The following POU3F3 variants were observed in gnomAD, a reference collection of about 807,000 sequenced individuals.
The protein encoded by POU3F3 is POU class 3 homeobox 3, also known as POU domain, class 3, transcription factor 3.
Under a neutral mutation model 8.6 loss-of-function variants are expected in POU3F3, and 1 was observed. That is an observed-to-expected ratio of 0.12 (90% CI 0.04 to 0.55). The LOEUF is 0.55. POU3F3 is among the 20% of genes least tolerant of loss of function. POU3F3 has a pLI of 0.91. For synonymous variants in POU3F3, 418 were observed against 327.4 expected (o/e 1.28, Z -2.99); for missense variants, 577 against 690.7 (o/e 0.84, Z 1.84).
At chr2:104,876,169 T>C in the POU3F3 span, among the ~76,000 whole-genome samples, 12 of 152,214 alleles carry the variant, frequency 7.9e-5, no homozygotes, top group African/African-American at 2.7e-4. Context: ...TATTAGTGAG[T>C]GCTCTTCCTT....
chr2:104,857,082 G>A lies in POU3F3; in HGVS notation c.*69G>A. 4 of 1,048,680 alleles carry A rather than the reference G, an allele frequency of 3.8e-6. No individual in the cohort carries two copies. Among genetic ancestry groups the A allele is most frequent in the Non-Finnish European group, 4.6e-6 (4 of 872,110 alleles). The allele number at this position is 1,048,680 out of a possible 1,614,324, so 65.0% of individuals were successfully genotyped here. The stretch of plus-strand genomic sequence containing the variant: ...CGCAGCCGCCGTCAGCACCGCCGCC[G>A]CCCCTGCCGCCGCCGCCGCCGCCGC... On this transcript the variant is annotated 3_prime_UTR_variant, in exon 1 of 1. Coordinates refer to ENST00000361360, the MANE Select transcript of POU3F3 (RefSeq NM_006236.3).
At chr2:104,916,522 C>T in the POU3F3 span, among the ~76,000 whole-genome samples, 1 of 152,178 alleles carries the variant, frequency 6.6e-6, no homozygotes, top group African/African-American at 2.4e-5. Context: ...GGAGAATCTG[C>T]TCTCAAGCTC....
At chr2:104,916,406 G>A in the POU3F3 span, among the ~76,000 whole-genome samples, 10 of 152,246 alleles carry the variant, frequency 6.6e-5, no homozygotes, top group African/African-American at 2.4e-4. Flanking sequence ...TGTGGTTCAG[G>A]GGTCTGGGTG....
chr2:104,920,539 G>A, the POU3F3 span, among the ~76,000 whole-genome samples: 1 of 152,138 alleles, frequency 6.6e-6, no homozygotes, highest in Non-Finnish European at 1.5e-5. Context: ...GTAGAGCTAA[G>A]ATGTGGTCAG....
chr2:104,855,711 G>A lies in POU3F3; in HGVS notation c.201G>A (p.Pro67=). 2 of 1,238,568 alleles carry A rather than the reference G, an allele frequency of 1.6e-6. No individual in the cohort carries two copies. Among genetic ancestry groups the A allele is most frequent in the Non-Finnish European group, 2.1e-6 (2 of 966,578 alleles). The allele number at this position is 1,238,568 out of a possible 1,614,324, so 76.7% of individuals were successfully genotyped here. Residue 67 remains proline (P), a synonymous_variant, in exon 1 of 1, where the codon CCG becomes CCA. Coordinates refer to ENST00000361360, the MANE Select transcript of POU3F3 (RefSeq NM_006236.3). Reference sequence around the variant, plus strand: ...CCTCGGGCGCCTACCGGGGGGACCCGTCCTCTGTCAAGATGGTCCAGAGCG... The same window carrying A: ...CCTCGGGCGCCTACCGGGGGGACCCATCCTCTGTCAAGATGGTCCAGAGCG... ...AVTSGAYRGD[P]SSVKMVQSDF... is the part of the protein sequence containing the mutation.
At chr2:104,922,392 C>CAAAAAAAAAA in the POU3F3 span, among the ~76,000 whole-genome samples, 1 of 71,040 alleles carries the variant, frequency 1.4e-5, no homozygotes. Context: ...TGAAGATGCT[C>CAAAAAAAAAA]AAAAAAAAAA....
chr2:104,897,902 A>C, the POU3F3 span, among the ~76,000 whole-genome samples: 11 of 152,214 alleles, frequency 7.2e-5, no homozygotes, highest in African/African-American at 2.7e-4. Flanking sequence ...ATAGATTAAG[A>C]GATAAGCTTG....
the POU3F3 span, among the ~76,000 whole-genome samples, chr2:104,922,939 C>G: frequency 6.6e-6 from 1 of 152,158 alleles, no homozygotes; most frequent in African/African-American, 2.4e-5. Flanking sequence ...ATAAAATTAC[C>G]AACAGGTTTC....
chr2:104,863,435 T>G (rs1434564733), downstream of POU3F3, among the ~76,000 whole-genome samples: 1 of 151,970 alleles, frequency 6.6e-6, no homozygotes, highest in Non-Finnish European at 1.5e-5. Flanking sequence ...AAGGTAGAAA[T>G]GCCTGTGGGT....
In POU3F3 at chr2:104,855,947, GC is replaced by G; in HGVS notation, c.441del (p.Asp148ThrfsTer2). The G allele has an allele frequency of 1.9e-6, 2 of 1,060,058 alleles. No homozygotes were observed. The highest frequency in any genetic ancestry group is 2.3e-6 in the Non-Finnish European group (2 of 876,376). 65.7% of individuals were successfully genotyped at this position (1,060,058 alleles called of 1,614,324 possible). The part of the protein sequence containing the change: ...PPQPPPPPPQ[G>X]PDVKGGAGRD... The stretch of plus-strand genomic sequence containing the variant: ...CAGCCGCCGCCGCCACCGCCGCAGG[GC>G]CCCGACGTGAAGGGCGGCGCCGGGC... On this transcript the variant is annotated frameshift_variant, in exon 1 of 1. Transcript: ENST00000361360. LOFTEE classifies it low-confidence loss of function (END_TRUNC).
At chr2:104,911,414 CAA>C in the POU3F3 span, among the ~76,000 whole-genome samples, 28 of 60,950 alleles carry the variant, frequency 4.6e-4, no homozygotes, top group East Asian at 1.6e-3. Context: ...GACTCCGTCT[CAA>C]AAAAAAAAAA....
At chr2:104,918,824 C>T in the POU3F3 span, among the ~76,000 whole-genome samples, 3 of 151,956 alleles carry the variant, frequency 2.0e-5, no homozygotes, top group Non-Finnish European at 2.9e-5. Flanking sequence ...CTCTCCTGCC[C>T]CGATCTGCAA....
At chr2:104,911,740 A>T in the POU3F3 span, among the ~76,000 whole-genome samples, 16 of 152,012 alleles carry the variant, frequency 1.1e-4, no homozygotes, top group African/African-American at 3.9e-4. Flanking sequence ...AAAGAGAGGA[A>T]CCATCCGAGA....
At chr2:104,905,419 A>T in the POU3F3 span, among the ~76,000 whole-genome samples, 1 of 152,294 alleles carries the variant, frequency 6.6e-6, no homozygotes, top group East Asian at 1.9e-4. Context: ...ATGGTATGTC[A>T]GATTTTACTT....
the POU3F3 span, among the ~76,000 whole-genome samples, chr2:104,878,498 C>T: frequency 5.6e-4 from 85 of 152,308 alleles, 1 homozygote; most frequent in East Asian, 0.016. Context: ...TCAATGGAAG[C>T]TTGGTGCTTT....
At chr2:104,885,531 G>A in the POU3F3 span, among the ~76,000 whole-genome samples, 11 of 152,270 alleles carry the variant, frequency 7.2e-5, no homozygotes, top group East Asian at 2.1e-3. Flanking sequence ...CTCACTGCCC[G>A]CTATATGCTA....
chr2:104,855,644 G>T lies in POU3F3; in HGVS notation c.134G>T (p.Gly45Val). ...GGGGGGGGGA[G>V]GGGGGMQPGS... The stretch of plus-strand genomic sequence containing the variant: ...GGCGGCGGCGGCGGGGGCGGCGCAG[G>T]GGGCGGGGGCGGCGGCATGCAGCCG... The change falls in exon 1 of 1, where the codon GGG becomes GTG. Residue 45 changes from glycine (G) to valine (V), a missense_variant. Around this residue, in one of 7 missense-constraint regions of POU3F3, gnomAD observed 484 missense variants for 422.6 expected, o/e 1.15. Transcript: ENST00000361360. 1 of 983,770 alleles carries T rather than the reference G, an allele frequency of 1.0e-6. No individual in the cohort carries two copies. The highest frequency in any genetic ancestry group is 1.2e-6 in the Non-Finnish European group (1 of 829,040). 60.9% of individuals were successfully genotyped at this position (983,770 alleles called of 1,614,324 possible).
the POU3F3 span, among the ~76,000 whole-genome samples, chr2:104,901,884 C>T: frequency 6.6e-6 from 1 of 152,212 alleles, no homozygotes; most frequent in African/African-American, 2.4e-5. Flanking sequence ...GAGCTTCTCA[C>T]ATTAAGAATT....
chr2:104,924,711 CCT>C, the POU3F3 span, among the ~76,000 whole-genome samples: 1 of 152,176 alleles, frequency 6.6e-6, no homozygotes, highest in Non-Finnish European at 1.5e-5. Flanking sequence ...ATCTATTCAT[CCT>C]CTCTTTTTCT....
Sources: gnomAD v4.1 joint callset for allele counts (sites outside exome capture counted in the v4.1 genomes callset) on GRCh38, gnomAD v4.1.1 for gene constraint, gnomAD v4.1.1 regional missense constraint, MANE v1.5 for transcripts, NCBI Gene and HGNC (gene_info 2026-07-23, HGNC 2026-07-21) for gene names.